KHDC1L: variants seen among roughly 807,000 people sequenced by gnomAD.
KHDC1L encodes KH domain containing 1 like.
In KHDC1L, 5 loss-of-function variants were observed where a neutral mutation model predicts 11.2. That is an observed-to-expected ratio of 0.45 (90% CI 0.23 to 0.94). KHDC1L has a LOEUF of 0.94. Ranked by LOEUF, KHDC1L falls within the 40% of genes least tolerant of loss-of-function variation. The pLI, the probability that KHDC1L is intolerant of heterozygous loss-of-function variation, is 0.22. For missense variants in KHDC1L, 168 were observed against 165.8 expected (o/e 1.01, Z -0.07); for synonymous variants, 66 against 62.7 (o/e 1.05, Z -0.25).
Position 73,224,227 on chromosome 6 carries a change from C to T in KHDC1L, c.234G>A (p.Lys78=), listed in dbSNP as rs1766314708. ...AATGGAACATGAGCAGCAGCCACTG[C>T]TTTGCCATTGGTGGTCCGACTACAG... ...RVTVVGPPMA[K]QWLLLMFHCV... The change falls in exon 2 of 3, where the codon AAG becomes AAA. Residue 78 remains lysine, a synonymous_variant. Transcript: ENST00000370388. 1 of 1,577,926 alleles carries T rather than the reference C, an allele frequency of 6.3e-7. No individual in the cohort carries two copies. The highest frequency in any genetic ancestry group is 1.3e-5 in the African/African-American group (1 of 74,182).
Position 73,224,165 on chromosome 6 carries a change from C to A in KHDC1L, c.295+1G>T. Reference sequence around the variant, plus strand: ...TCCACAGTTCGGCCAAGGATACCTACCTCGAGCGTGACACTTGGAGTCCTG... The same window carrying A: ...TCCACAGTTCGGCCAAGGATACCTAACTCGAGCGTGACACTTGGAGTCCTG... On this transcript the variant is annotated splice_donor_variant, in intron 2 of 2. Coordinates refer to ENST00000370388, the MANE Select transcript of KHDC1L (RefSeq NM_001126063.3). LOFTEE classifies it high-confidence loss of function. The A allele has an allele frequency of 6.4e-7, 1 of 1,554,660 alleles. No homozygotes were observed. The highest frequency in any genetic ancestry group is 8.7e-7 in the Non-Finnish European group (1 of 1,149,102).
intron 2 of KHDC1L, 106 bp downstream of exon 2, chr6:73,224,060 T>C: frequency 3.0e-6 from 4 of 1,338,140 alleles, no homozygotes; most frequent in Non-Finnish European, 4.0e-6. Context: ...GCACCTGGAT[T>C]CCCCAGCCAC....
At chr6:73,225,224 G>A (rs1167335640) in intron 1 of KHDC1L, 73 bp downstream of exon 1, 5 of 1,367,906 alleles carry the variant, frequency 3.7e-6, no homozygotes, top group Admixed American at 2.1e-5. Context: ...CCAAGATCAC[G>A]AGCGAGAATC....
At chr6:73,224,115 G>T (rs1766312454) in intron 2 of KHDC1L, 51 bp downstream of exon 2, 1 of 1,495,644 alleles carries the variant, frequency 6.7e-7, no homozygotes, top group East Asian at 2.5e-5. Context: ...AACACAGCCA[G>T]AACTCCACCA....
At chr6:73,224,863 G>C (rs2350752) in intron 1 of KHDC1L, among the ~76,000 whole-genome samples, 12,845 of 149,332 alleles carry the variant, frequency 0.086, 653 homozygotes, top group East Asian at 0.15. Flanking sequence ...CGGCAGATCA[G>C]GAGGTGAGGA....
In KHDC1L at chr6:73,225,345, A is replaced by C. The variant is rs112860401; in HGVS notation, c.64T>G (p.Ser22Ala). The change falls in exon 1 of 3, where the codon TCT (serine) becomes GCT (alanine). Residue 22 changes from serine (S) to alanine (A), a missense_variant. Coordinates refer to ENST00000370388, the MANE Select transcript of KHDC1L (RefSeq NM_001126063.3). Reference sequence around the variant, plus strand: ...TCTTCCATGTGGAACACCATTGGAGAATGAAAGTTTTCGGGCAGGGTCCAC... The same window carrying C: ...TCTTCCATGTGGAACACCATTGGAGCATGAAAGTTTTCGGGCAGGGTCCAC... ...PWWTLPENFHSPMVFHMEEDQ... is the reference protein window; with the variant it reads ...PWWTLPENFHAPMVFHMEEDQ... 1 of 1,614,066 alleles carries C rather than the reference A, an allele frequency of 6.2e-7. No homozygotes were observed. Among genetic ancestry groups the C allele is most frequent in the Non-Finnish European group, 8.5e-7 (1 of 1,179,970 alleles).
At chr6:73,224,649 G>A (rs973410559) in intron 1 of KHDC1L, among the ~76,000 whole-genome samples, 2 of 151,452 alleles carry the variant, frequency 1.3e-5, no homozygotes, top group Admixed American at 6.6e-5. Context: ...GGTGGCAGGC[G>A]CCTGTAGTCC....
Position 73,224,152 on chromosome 6 carries a change from C to A in KHDC1L, c.295+14G>T. ...CAAGCCCTCCACCTCCACAGTTCGG[C>A]CAAGGATACCTACCTCGAGCGTGAC... On this transcript the variant is annotated intron_variant, in intron 2 of 2. Coordinates refer to ENST00000370388, the MANE Select transcript of KHDC1L (RefSeq NM_001126063.3). 1 of 1,540,984 alleles carries A rather than the reference C, an allele frequency of 6.5e-7. No homozygotes were observed. The highest frequency in any genetic ancestry group is 1.2e-5 in the South Asian group (1 of 80,240).
At position 73,225,348 on chromosome 6, in the gene KHDC1L, GAA is replaced by G. The variant is rs751316188; in HGVS notation, c.59_60del (p.Phe20SerfsTer20). 10 of 1,614,038 alleles carry G rather than the reference GAA, an allele frequency of 6.2e-6. No homozygotes were observed. In the South Asian group the frequency reaches 8.8e-5, roughly 14 times the overall value. ...KEPWWTLPEN[F>X]HSPMVFHMEE... is the part of the protein sequence containing the mutation. ...TCCATGTGGAACACCATTGGAGAATGAAAGTTTTCGGGCAGGGTCCACCACGG... is the reference window on the plus strand; with the variant it reads ...TCCATGTGGAACACCATTGGAGAATGAGTTTTCGGGCAGGGTCCACCACGG... On this transcript the variant is annotated frameshift_variant, in exon 1 of 3. Transcript: ENST00000370388. LOFTEE classifies it high-confidence loss of function.
At chr6:73,224,521 T>A (rs1335377666) in intron 1 of KHDC1L, among the ~76,000 whole-genome samples, 173 bp from the exon 2 acceptor site, 1 of 151,986 alleles carries the variant, frequency 6.6e-6, no homozygotes, top group Non-Finnish European at 1.5e-5. Flanking sequence ...ATGCCTGTAA[T>A]CCCAGCAATT....
chr6:73,225,444 C>T lies in KHDC1L; in HGVS notation c.-36G>A, dbSNP rs1766349691. On this transcript the variant is annotated 5_prime_UTR_variant, in exon 1 of 3. Coordinates refer to ENST00000370388, the MANE Select transcript of KHDC1L (RefSeq NM_001126063.3). ...CACCTGATTCAGAATAGGGGAAAGT[C>T]TAACAAACTGGTTGGCAAAAGACTT... is the stretch of plus-strand genomic sequence containing the variant. 4 of 1,508,212 alleles carry T rather than the reference C, an allele frequency of 2.7e-6. No homozygotes were observed. The African/African-American group carries it at 4.1e-5, about 16-fold the overall frequency. 93.4% of individuals were successfully genotyped at this position (1,508,212 alleles called of 1,614,324 possible).
Position 73,223,755 on chromosome 6 carries a change from C to G in KHDC1L, c.380G>C (p.Gly127Ala), listed in dbSNP as rs757294710. The part of the protein sequence containing the change: ...VTSVSLPPYT[G>A]D ...CCCTCTTCCCAGGGGAGATCAGTCT[C>G]CGGTGTACGGTGGCAGGCTAACGGA... Residue 127 changes from glycine to alanine, a missense_variant, in exon 3 of 3, where the codon GGA becomes GCA. Transcript: ENST00000370388. 1.9e-6 allele frequency: 3 copies of G among 1,605,356 alleles called. No individual in the cohort carries two copies. Among genetic ancestry groups the G allele is most frequent in the African/African-American group, 1.3e-5 (1 of 74,918 alleles).
At chr6:73,225,178 A>G in intron 1 of KHDC1L, 119 bp downstream of exon 1, 1 of 814,024 alleles carries the variant, frequency 1.2e-6, no homozygotes, top group Non-Finnish European at 1.9e-6. Flanking sequence ...GAAGCAGGAG[A>G]ATCACTTGAA....
At position 73,223,690 on chromosome 6, in the gene KHDC1L, C is replaced by T; in HGVS notation, c.*58G>A. On this transcript the variant is annotated 3_prime_UTR_variant, in exon 3 of 3. Coordinates refer to ENST00000370388, the MANE Select transcript of KHDC1L (RefSeq NM_001126063.3). The stretch of plus-strand genomic sequence containing the variant: ...AAACTTTCTTCAGTGTTTTTCATGT[C>T]TTTCTCACCAAAAGCGAAGCCAAGA... The T allele has an allele frequency of 7.0e-7, 1 of 1,421,752 alleles. No individual in the cohort carries two copies. Among genetic ancestry groups the T allele is most frequent in the Non-Finnish European group, 9.7e-7 (1 of 1,029,408 alleles). The allele number at this position is 1,421,752 out of a possible 1,614,324, so 88.1% of individuals were successfully genotyped here.
chr6:73,224,245 G>T lies in KHDC1L; in HGVS notation c.216C>A (p.Val72=). The T allele has an allele frequency of 6.3e-7, 1 of 1,583,922 alleles. No homozygotes were observed. Among genetic ancestry groups the T allele is most frequent in the Non-Finnish European group, 8.6e-7 (1 of 1,163,958 alleles). The change falls in exon 2 of 3, where the codon GTC becomes GTA. Residue 72 remains valine, a synonymous_variant. Transcript: ENST00000370388. ...TATGQTRVTV[V]GPPMAKQWLL... ...GCCACTGCTTTGCCATTGGTGGTCC[G>T]ACTACAGTCACACGTGTCTGGCCTG...
chr6:73,225,479 AG>A lies in KHDC1L; in HGVS notation c.-72del, dbSNP rs1038757339. 33 of 1,125,152 alleles carry A rather than the reference AG, an allele frequency of 2.9e-5. No individual in the cohort carries two copies. The African/African-American group carries it at 5.0e-4, about 17-fold the overall frequency. 69.7% of individuals were successfully genotyped at this position (1,125,152 alleles called of 1,614,324 possible). On this transcript the variant is annotated 5_prime_UTR_variant, in exon 1 of 3. Coordinates refer to ENST00000370388, the MANE Select transcript of KHDC1L (RefSeq NM_001126063.3). The stretch of plus-strand genomic sequence containing the variant: ...GGTTGGCAAAAGACTTGGAAAAGCG[AG>A]GAAGGGCCTAGGCTCTGTCCTTAAA...
At chr6:73,224,067 C>T (rs377156622) in intron 2 of KHDC1L, 99 bp downstream of exon 2, 5 of 1,372,342 alleles carry the variant, frequency 3.6e-6, no homozygotes, top group East Asian at 2.5e-5. Context: ...GATTCCCCAG[C>T]CACACAAGGG....
chr6:73,225,477 C>G lies in KHDC1L; in HGVS notation c.-69G>C. ...CTGGTTGGCAAAAGACTTGGAAAAG[C>G]GAGGAAGGGCCTAGGCTCTGTCCTT... On this transcript the variant is annotated 5_prime_UTR_variant, in exon 1 of 3. Coordinates refer to ENST00000370388, the MANE Select transcript of KHDC1L (RefSeq NM_001126063.3). 5.3e-6 allele frequency: 6 copies of G among 1,138,310 alleles called. No homozygotes were observed. In the Admixed American group the frequency reaches 9.3e-5, roughly 18 times the overall value. The allele number at this position is 1,138,310 out of a possible 1,614,324, so 70.5% of individuals were successfully genotyped here. A position where few individuals can be genotyped will look rare whatever the true frequency, so the allele number is the denominator to read the frequency against.
At chr6:73,224,761 G>GCAAGACTCCGTCTCGAGTCTC (rs1766329016) in intron 1 of KHDC1L, among the ~76,000 whole-genome samples, 42 of 82,552 alleles carry the variant, frequency 5.1e-4, no homozygotes, top group African/African-American at 7.3e-4. Context: ...GGGCGACAGA[G>GCAAGACTCCGTCTCGAGTCTC]ATTCCATATC....
Sources: gnomAD v4.1 joint callset for allele counts (sites outside exome capture counted in the v4.1 genomes callset) on GRCh38, gnomAD v4.1.1 for gene constraint, MANE v1.5 for transcripts, NCBI Gene and HGNC (gene_info 2026-07-23, HGNC 2026-07-21) for gene names.